The following TNNI3K variants were observed in gnomAD, a reference collection of about 807,000 sequenced individuals.
TNNI3K encodes TNNI3 interacting kinase.
A neutral mutation model predicts 114.5 loss-of-function variants in TNNI3K; 140 were observed. The ratio of observed to expected loss-of-function variants is 1.22; its 90% CI spans 1.07 to 1.41. TNNI3K has a LOEUF of 1.41. Among genes scored for constraint, TNNI3K ranks in the 40% most tolerant of loss-of-function variants. The pLI, the probability that TNNI3K is intolerant of heterozygous loss-of-function variation, is 0.00. For missense variants in TNNI3K, 1,125 were observed against 1,007.6 expected, an observed-to-expected ratio of 1.12 and a Z score of -1.58; for synonymous variants, 347 against 347.5, an observed-to-expected ratio of 1.00 and a Z score of 0.02.
intron 20 of TNNI3K, among the ~76,000 whole-genome samples, chr1:74,442,996 T>C (rs1217996643): frequency 6.6e-6 from 1 of 152,104 alleles, no homozygotes; most frequent in Non-Finnish European, 1.5e-5. Context: ...CCAGAATCTC[T>C]GAGATGCAGC....
chr1:74,325,170 A>G (rs770044325), intron 5 of TNNI3K, among the ~76,000 whole-genome samples: 37 of 152,154 alleles, frequency 2.4e-4, no homozygotes, highest in Non-Finnish European at 4.9e-4. Context: ...TGAAAGGGGA[A>G]CAATAAATGT....
chr1:74,503,806 A>T (rs905072801), intron 23 of TNNI3K, among the ~76,000 whole-genome samples: 15 of 152,208 alleles, frequency 9.9e-5, no homozygotes, highest in Non-Finnish European at 1.8e-4. Flanking sequence ...TTTACTAATT[A>T]ACAAAATCAG....
Position 74,489,247 on chromosome 1 carries a change from A to G in TNNI3K, c.2180A>G (p.Glu727Gly). The change falls in exon 22 of 25, where the codon GAG becomes GGG. Residue 727 changes from glutamate (E) to glycine (G), a missense_variant and splice_region_variant. Coordinates refer to ENST00000326637, the MANE Select transcript of TNNI3K (RefSeq NM_015978.3). ...MKLEECLCNIELMSPASSNSS... is the reference protein window; with the variant it reads ...MKLEECLCNIGLMSPASSNSS... The stretch of plus-strand genomic sequence containing the variant: ...TTAGAAGAGTGTCTCTGCAACATTG[A>G]GGTAAAAGCTTTAGCTTCTGAAATA... 1 of 1,610,406 alleles carries G rather than the reference A, an allele frequency of 6.2e-7. No individual in the cohort carries two copies. Among genetic ancestry groups the G allele is most frequent in the Non-Finnish European group, 8.5e-7 (1 of 1,178,512 alleles).
intron 2 of TNNI3K, among the ~76,000 whole-genome samples, chr1:74,247,103 G>A (rs113125358): frequency 0.017 from 2,597 of 152,272 alleles, 35 homozygotes; most frequent in Non-Finnish European, 0.023. Flanking sequence ...GAATGAAGCC[G>A]CGGACCCTCG....
intron 20 of TNNI3K, among the ~76,000 whole-genome samples, chr1:74,451,172 C>G (rs935090766): frequency 6.6e-6 from 1 of 152,048 alleles, no homozygotes; most frequent in Non-Finnish European, 1.5e-5. Context: ...CACATGTTCT[C>G]ACTTATAAGC....
chr1:74,294,668 T>C (rs1273678918), intron 5 of TNNI3K, among the ~76,000 whole-genome samples: 1 of 152,122 alleles, frequency 6.6e-6, no homozygotes, highest in Non-Finnish European at 1.5e-5. Context: ...CACCCAAATC[T>C]CCAAATTTAT....
intron 4 of TNNI3K, among the ~76,000 whole-genome samples, chr1:74,266,536 G>T (rs1656000433): frequency 6.6e-6 from 1 of 151,968 alleles, no homozygotes; most frequent in Non-Finnish European, 1.5e-5. Flanking sequence ...ATAGATGAAT[G>T]CTCACCATGT....
rs1656505984 is a variant in TNNI3K at position 74,273,883 on chromosome 1, T to C, written c.444+2175T>C. On this transcript the variant is annotated intron_variant, in intron 5 of 24. Transcript: ENST00000326637. Reference sequence around the variant, plus strand: ...ACTAATTAAATTATTGATCAAATAATAAAGAAAAGGGTATCCAAAACTATC... The same window carrying C: ...ACTAATTAAATTATTGATCAAATAACAAAGAAAAGGGTATCCAAAACTATC... Among the ~76,000 whole-genome samples the C allele has an allele frequency of 2.0e-5, 3 of 152,036 alleles. No homozygotes were observed. The South Asian group carries it at 6.2e-4, about 32-fold the overall frequency.
chr1:74,246,721 T>C (rs1035673176), intron 2 of TNNI3K, among the ~76,000 whole-genome samples: 9 of 152,192 alleles, frequency 5.9e-5, no homozygotes, highest in African/African-American at 2.2e-4. Context: ...TGGCAAATAC[T>C]GAAAGAAGAA....
intron 18 of TNNI3K, 104 bp from the exon 19 acceptor site, chr1:74,436,370 T>A: frequency 7.5e-7 from 1 of 1,338,370 alleles, no homozygotes; most frequent in East Asian, 2.5e-5. Context: ...AGTGAGAATT[T>A]GAATAAGACA....
chr1:74,504,927 G>A (rs1195480481), intron 23 of TNNI3K, among the ~76,000 whole-genome samples: 2 of 152,216 alleles, frequency 1.3e-5, no homozygotes, highest in Non-Finnish European at 2.9e-5. Context: ...CACATGAAGA[G>A]AACCTGCGAA....
At position 74,330,248 on chromosome 1, in the gene TNNI3K, G is replaced by T. The variant is rs140902673; in HGVS notation, c.445-1202G>T. On this transcript the variant is annotated intron_variant, in intron 5 of 24. Transcript: ENST00000326637. ...AAAGAAACAGATATAGGAACTCTTT[G>T]CTCTCCCTCTATTTGCCTAAAAGAG... 3.2e-4 allele frequency among the ~76,000 whole-genome samples: 49 copies of T among 152,072 alleles called. No individual in the cohort carries two copies. The East Asian group carries it at 7.0e-3, about 22-fold the overall frequency.
chr1:74,473,284 AG>A (rs1287800537), intron 21 of TNNI3K, among the ~76,000 whole-genome samples: 1 of 152,140 alleles, frequency 6.6e-6, no homozygotes, highest in African/African-American at 2.4e-5. Flanking sequence ...GCTTTCCCGT[AG>A]TCACACATCA....
chr1:74,311,804 TA>T (rs1413450611), intron 5 of TNNI3K, among the ~76,000 whole-genome samples: 1 of 152,228 alleles, frequency 6.6e-6, no homozygotes, highest in Non-Finnish European at 1.5e-5. Context: ...CTTTGCTTTT[TA>T]TATAAAGGTA....
chr1:74,489,112 A>G (rs1197342804), intron 21 of TNNI3K, 77 bp from the exon 22 acceptor site: 5 of 1,210,900 alleles, frequency 4.1e-6, no homozygotes, highest in Admixed American at 4.4e-5. Flanking sequence ...ACAAATGCTA[A>G]TACCCAATTT....
At chr1:74,434,845 A>T (rs531208795) in intron 17 of TNNI3K, among the ~76,000 whole-genome samples, 2 of 152,176 alleles carry the variant, frequency 1.3e-5, no homozygotes, top group East Asian at 3.9e-4. Context: ...AATCAGTAGC[A>T]ATTACAAGAG....
intron 17 of TNNI3K, among the ~76,000 whole-genome samples, chr1:74,432,293 G>T (rs1665937698): frequency 6.6e-6 from 1 of 152,130 alleles, no homozygotes; most frequent in African/African-American, 2.4e-5. Context: ...TTCCACGAAT[G>T]TTACAATGCT....
At chr1:74,304,363 T>G (rs889496607) in intron 5 of TNNI3K, among the ~76,000 whole-genome samples, 5 of 152,162 alleles carry the variant, frequency 3.3e-5, no homozygotes, top group African/African-American at 1.2e-4. Context: ...CAGGATCTTA[T>G]AGGCAAAATG....
rs112271790 is a variant in TNNI3K at position 74,357,470 on chromosome 1, C to T, written c.1177+3341C>T. On this transcript the variant is annotated intron_variant, in intron 11 of 24. Transcript: ENST00000326637. ...CTGACCCAAGCTAAATTTTAGCTGA[C>T]CTTCTTTCTACTATTCTGATATGGC... Among the ~76,000 whole-genome samples the T allele has an allele frequency of 1.5e-3, 221 of 152,230 alleles. 2 individuals carry two copies. The highest frequency in any genetic ancestry group is 5.0e-3 in the African/African-American group (209 of 41,526).
Sources: allele counts gnomAD v4.1 joint callset (sites outside exome capture counted in the v4.1 genomes callset), GRCh38; gene constraint gnomAD v4.1.1; transcripts MANE v1.5; gene names NCBI Gene and HGNC (gene_info 2026-07-23, HGNC 2026-07-21).